The following LGR4 variants were observed in gnomAD, a reference collection of about 807,000 sequenced individuals.
LGR4 encodes leucine rich repeat containing G protein-coupled receptor 4, also known as leucine-rich repeat-containing G protein-coupled receptor 4.
In LGR4, 44 loss-of-function variants were observed where a neutral mutation model predicts 84.8. The ratio of observed to expected loss-of-function variants is 0.52; its 90% CI spans 0.41 to 0.67. The LOEUF is 0.67. Ranked by LOEUF, LGR4 falls within the 30% of genes least tolerant of loss-of-function variation. The pLI, the probability that LGR4 is intolerant of heterozygous loss-of-function variation, is 0.00. For missense variants in LGR4, 1,032 were observed against 1,131.4 expected (o/e 0.91, Z 1.26); for synonymous variants, 429 against 434.3 (o/e 0.99, Z 0.15).
chr11:27,398,037 T>C (rs1329994430), intron 2 of LGR4, among the ~76,000 whole-genome samples: 1 of 152,222 alleles, frequency 6.6e-6, no homozygotes, highest in Non-Finnish European at 1.5e-5. Flanking sequence ...TCTATGAATC[T>C]CTTTTGTGTG....
chr11:27,413,392 A>G (rs1317636807), intron 1 of LGR4, among the ~76,000 whole-genome samples: 1 of 152,166 alleles, frequency 6.6e-6, no homozygotes, highest in African/African-American at 2.4e-5. Context: ...GGCTAAGGAC[A>G]AGTGCGTACA....
intron 17 of LGR4, 148 bp downstream of exon 17, chr11:27,371,467 G>T: frequency 1.9e-6 from 1 of 517,650 alleles, no homozygotes; most frequent in Non-Finnish European, 3.3e-6. Context: ...GCTGCTGGCT[G>T]GTACGCAAAG....
At chr11:27,411,349 A>G (rs1382143743) in intron 2 of LGR4, among the ~76,000 whole-genome samples, 1 of 152,004 alleles carries the variant, frequency 6.6e-6, no homozygotes, top group Non-Finnish European at 1.5e-5. Context: ...ATCTTAATTA[A>G]AAATAACTTT....
intron 17 of LGR4, among the ~76,000 whole-genome samples, chr11:27,369,577 A>G (rs1862842874): frequency 6.6e-6 from 1 of 152,090 alleles, no homozygotes; most frequent in Non-Finnish European, 1.5e-5. Context: ...ACCTGTATTC[A>G]TTTTCTCACT....
intron 1 of LGR4, among the ~76,000 whole-genome samples, chr11:27,450,578 C>T (rs868194200): frequency 2.6e-5 from 4 of 151,998 alleles, no homozygotes; most frequent in Middle Eastern, 3.2e-3. Context: ...CACCTGAGGT[C>T]GGGAGTTTGA....
chr11:27,439,795 T>C (rs1565094236), intron 1 of LGR4, among the ~76,000 whole-genome samples: 4 of 152,024 alleles, frequency 2.6e-5, no homozygotes, highest in Admixed American at 2.0e-4. Context: ...ATGAAGCAGG[T>C]AGTGAGCGAA....
intron 1 of LGR4, among the ~76,000 whole-genome samples, chr11:27,464,103 T>C (rs1864735161): frequency 6.6e-6 from 1 of 152,224 alleles, no homozygotes; most frequent in African/African-American, 2.4e-5. Context: ...GTTGATAGGC[T>C]GGCCTAAGAG....
intron 1 of LGR4, among the ~76,000 whole-genome samples, chr11:27,461,361 C>T (rs762773436): frequency 4.7e-5 from 7 of 150,378 alleles, no homozygotes; most frequent in East Asian, 3.9e-4. Context: ...AAAAAAATAA[C>T]ACATAGGTAC....
At position 27,412,861 on chromosome 11, in the gene LGR4, C is replaced by A; in HGVS notation, c.186-1G>T. ...AGTAATGTTGTTCATACTGATATCC[C>A]TGGAAAACGTAAAGTTAAGAATATT... On this transcript the variant is annotated splice_acceptor_variant, in intron 1 of 17. Coordinates refer to ENST00000379214, the MANE Select transcript of LGR4 (RefSeq NM_018490.5). LOFTEE classifies it high-confidence loss of function. 1 of 1,589,228 alleles carries A rather than the reference C, an allele frequency of 6.3e-7. No homozygotes were observed. The highest frequency in any genetic ancestry group is 8.6e-7 in the Non-Finnish European group (1 of 1,158,332).
At chr11:27,452,011 G>GA (rs997378411) in intron 1 of LGR4, among the ~76,000 whole-genome samples, 5 of 152,066 alleles carry the variant, frequency 3.3e-5, no homozygotes, top group Non-Finnish European at 7.4e-5. Flanking sequence ...GAAGCTGGGG[G>GA]AAAAAATGGA....
intron 12 of LGR4, 41 bp downstream of exon 12, chr11:27,377,117 A>G (rs749508020): frequency 5.0e-6 from 6 of 1,210,296 alleles, no homozygotes; most frequent in Non-Finnish European, 7.2e-6. Context: ...ACAAACTAAC[A>G]ATACACCACA....
At chr11:27,453,727 T>C (rs1197461567) in intron 1 of LGR4, among the ~76,000 whole-genome samples, 1 of 152,212 alleles carries the variant, frequency 6.6e-6, no homozygotes, top group Admixed American at 6.5e-5. Context: ...ATTTTTAAAG[T>C]TCTGACTTAT....
At chr11:27,472,006 G>A (rs1052167082) in intron 1 of LGR4, 112 bp downstream of exon 1, 36 of 748,500 alleles carry the variant, frequency 4.8e-5, no homozygotes, top group Middle Eastern at 9.2e-4. Context: ...CCCCAGGCCC[G>A]GGCGGCGGCG....
chr11:27,395,615 C>T (rs1037478736), intron 2 of LGR4, among the ~76,000 whole-genome samples: 8 of 152,130 alleles, frequency 5.3e-5, no homozygotes, highest in Non-Finnish European at 7.3e-5. Flanking sequence ...TACAAGCCAA[C>T]GATCTGGAGA....
chr11:27,446,094 T>G (rs117030921), intron 1 of LGR4, among the ~76,000 whole-genome samples: 28 of 152,078 alleles, frequency 1.8e-4, no homozygotes, highest in Middle Eastern at 3.4e-3. Context: ...TGAGTGAGAG[T>G]TGATTCCTGC....
chr11:27,376,627 A>G (rs952462142), intron 12 of LGR4, among the ~76,000 whole-genome samples: 1 of 152,214 alleles, frequency 6.6e-6, no homozygotes, highest in Non-Finnish European at 1.5e-5. Context: ...CCCATATTAT[A>G]CTGGGAATTA....
At chr11:27,438,113 G>A (rs1864243801) in intron 1 of LGR4, among the ~76,000 whole-genome samples, 2 of 152,086 alleles carry the variant, frequency 1.3e-5, no homozygotes, top group Admixed American at 6.5e-5. Flanking sequence ...GTAAATCAAA[G>A]GCCATTTCTT....
intron 1 of LGR4, among the ~76,000 whole-genome samples, chr11:27,434,237 A>G (rs958360786): frequency 2.6e-5 from 4 of 152,230 alleles, no homozygotes; most frequent in East Asian, 1.9e-4. Flanking sequence ...AAGAGAGGCT[A>G]TTTGTTCTGG....
chr11:27,375,297 CAAAA>C (rs5790647), intron 13 of LGR4, among the ~76,000 whole-genome samples: 3 of 118,144 alleles, frequency 2.5e-5, no homozygotes, highest in African/African-American at 3.4e-5. Context: ...GACCCTGTCT[CAAAA>C]AAAAAAAAAA....
Sources: allele counts gnomAD v4.1 joint callset (sites outside exome capture counted in the v4.1 genomes callset), GRCh38; gene constraint gnomAD v4.1.1; transcripts MANE v1.5; gene names NCBI Gene and HGNC (gene_info 2026-07-23, HGNC 2026-07-21).